Variants in ARHGAP21 observed in about 807,000 individuals in gnomAD.
ARHGAP21 encodes Rho GTPase activating protein 21, also known as rho GTPase-activating protein 21.
ARHGAP21 carries 38 observed loss-of-function variants against 164.6 expected under a neutral mutation model. The ratio of observed to expected loss-of-function variants is 0.23; its 90% confidence interval spans 0.18 to 0.30. The LOEUF (loss-of-function observed/expected upper bound fraction) is 0.30. Ranked by LOEUF, ARHGAP21 falls within the 10% of genes least tolerant of loss-of-function variation. The pLI is 1.00. For synonymous variants in ARHGAP21, 766 were observed against 857.9 expected, an observed-to-expected ratio of 0.89 and a Z score of 1.87; for missense variants, 1,822 against 2,370.7, an observed-to-expected ratio of 0.77 and a Z score of 4.81.
At chr10:24,611,870 C>T (rs1001591846) in intron 9 of ARHGAP21, among the ~76,000 whole-genome samples, 1 of 152,074 alleles carries the variant, frequency 6.6e-6, no homozygotes, top group African/African-American at 2.4e-5. Flanking sequence ...GAAATAATTG[C>T]CCTGTCCCTG....
intron 7 of ARHGAP21, among the ~76,000 whole-genome samples, chr10:24,628,765 G>A (rs1310696484): frequency 8.7e-6 from 1 of 115,500 alleles, no homozygotes; most frequent in Non-Finnish European, 1.9e-5. Flanking sequence ...GTGTGTGTGT[G>A]TGTGTGCATA....
intron 4 of ARHGAP21, among the ~76,000 whole-genome samples, chr10:24,656,531 C>T (rs1838972643): frequency 1.1e-5 from 1 of 93,026 alleles, no homozygotes; most frequent in Non-Finnish European, 2.2e-5. Context: ...GGGTCAGCCC[C>T]CCGCCCGGCC....
intron 2 of ARHGAP21, among the ~76,000 whole-genome samples, chr10:24,712,080 A>C (rs1175882095): frequency 6.6e-6 from 1 of 152,028 alleles, no homozygotes; most frequent in African/African-American, 2.4e-5. Flanking sequence ...ACACCCAGCT[A>C]ATTTTTTGTA....
intron 2 of ARHGAP21, among the ~76,000 whole-genome samples, chr10:24,689,991 A>C (rs1270651619): frequency 6.6e-6 from 1 of 151,280 alleles, no homozygotes; most frequent in Non-Finnish European, 1.5e-5. Context: ...CAAAAAATAC[A>C]TACTTTAGGA....
intron 4 of ARHGAP21, among the ~76,000 whole-genome samples, chr10:24,647,366 C>T (rs1412605001): frequency 6.6e-6 from 1 of 152,104 alleles, no homozygotes; most frequent in Non-Finnish European, 1.5e-5. Flanking sequence ...TCCAAGATTA[C>T]CATGTTTTTG....
intron 2 of ARHGAP21, among the ~76,000 whole-genome samples, chr10:24,674,398 G>C (rs1288591145): frequency 6.6e-6 from 1 of 152,198 alleles, no homozygotes; most frequent in Non-Finnish European, 1.5e-5. Flanking sequence ...GCCAGGTGTG[G>C]TGGCATGCGC....
intron 16 of ARHGAP21, 57 bp downstream of exon 16, chr10:24,597,390 T>G: frequency 6.3e-7 from 1 of 1,577,592 alleles, no homozygotes. Flanking sequence ...TAAACGTACC[T>G]CAACGATGCC....
At chr10:24,711,375 A>C (rs1469795148) in intron 2 of ARHGAP21, among the ~76,000 whole-genome samples, 4 of 151,926 alleles carry the variant, frequency 2.6e-5, no homozygotes, top group Admixed American at 6.6e-5. Flanking sequence ...AAAAAAAAAA[A>C]CTCAGAGACT....
At chr10:24,628,852 TATATATACAC>T (rs1209797746) in intron 7 of ARHGAP21, among the ~76,000 whole-genome samples, 3 of 135,736 alleles carry the variant, frequency 2.2e-5, no homozygotes, top group Non-Finnish European at 4.6e-5. Flanking sequence ...TACACATACA[TATATATACAC>T]ATATATACAT....
chr10:24,591,147 C>A, intron 24 of ARHGAP21, 78 bp downstream of exon 24: 2 of 1,226,552 alleles, frequency 1.6e-6, no homozygotes, highest in Non-Finnish European at 2.3e-6. Context: ...TAACAATTCA[C>A]TATGATTGAT....
intron 4 of ARHGAP21, among the ~76,000 whole-genome samples, chr10:24,653,158 C>T (rs906592507): frequency 2.0e-5 from 3 of 152,146 alleles, no homozygotes; most frequent in Non-Finnish European, 4.4e-5. Flanking sequence ...CCCATGTAAC[C>T]ACTACCATAA....
chr10:24,700,034 A>C (rs1481465318), intron 2 of ARHGAP21, among the ~76,000 whole-genome samples: 1 of 152,094 alleles, frequency 6.6e-6, no homozygotes, highest in Non-Finnish European at 1.5e-5. Context: ...GCAATTCTGA[A>C]GCTTAGGTCA....
At chr10:24,590,681 A>T in intron 24 of ARHGAP21, 1 of 1,327,082 alleles carries the variant, frequency 7.5e-7, no homozygotes, top group Non-Finnish European at 9.6e-7. Context: ...GCAACAGGAA[A>T]CAGAAGAAAA....
chr10:24,583,764 TACA>T lies in ARHGAP21; in HGVS notation c.*645_*647del, dbSNP rs2075988934. ...GGATCCACTATCTACACACCTATGT[TACA>T]ACATTATATCAAATCTGGTATCTGA... On this transcript the variant is annotated 3_prime_UTR_variant, in exon 26 of 26. Coordinates refer to ENST00000396432, the MANE Select transcript of ARHGAP21 (RefSeq NM_020824.4). 6.6e-6 allele frequency: 1 copy of T among 152,654 alleles called. No individual in the cohort carries two copies. Among genetic ancestry groups the T allele is most frequent in the Non-Finnish European group, 1.5e-5 (1 of 68,044 alleles). The allele number at this position is 152,654 out of a possible 1,614,324, so 9.5% of individuals were successfully genotyped here.
intron 2 of ARHGAP21, among the ~76,000 whole-genome samples, chr10:24,707,665 G>C (rs1343844752): frequency 6.6e-6 from 1 of 152,040 alleles, no homozygotes; most frequent in East Asian, 1.9e-4. Context: ...CATCCCCCTA[G>C]TCACCCAAAC....
At chr10:24,629,954 C>A (rs757601910) in intron 7 of ARHGAP21, 42 bp downstream of exon 7, 3 of 1,352,540 alleles carry the variant, frequency 2.2e-6, no homozygotes, top group Non-Finnish European at 3.1e-6. Flanking sequence ...TCCGAACATT[C>A]ATGACTGTAA....
At chr10:24,689,946 ATGTGTGTGTG>A (rs58990664) in intron 2 of ARHGAP21, among the ~76,000 whole-genome samples, 1 of 76,550 alleles carries the variant, frequency 1.3e-5, no homozygotes, top group Admixed American at 1.4e-4. Flanking sequence ...ATATATGTAT[ATGTGTGTGTG>A]TGTGTGTGTA....
intron 3 of ARHGAP21, 65 bp downstream of exon 3, chr10:24,670,153 G>A: frequency 1.0e-5 from 12 of 1,173,526 alleles, no homozygotes; most frequent in Non-Finnish European, 1.3e-5. Flanking sequence ...GTAAGAGGAA[G>A]ACTAGAAGGG....
intron 4 of ARHGAP21, among the ~76,000 whole-genome samples, chr10:24,648,083 C>A (rs1284886586): frequency 6.6e-6 from 1 of 152,158 alleles, no homozygotes; most frequent in African/African-American, 2.4e-5. Context: ...AGGTGATCCA[C>A]CCACCCCGGC....
Sources: gnomAD v4.1 joint callset for allele counts (sites outside exome capture counted in the v4.1 genomes callset) on GRCh38, gnomAD v4.1.1 for gene constraint, MANE v1.5 for transcripts, NCBI Gene and HGNC (gene_info 2026-07-23, HGNC 2026-07-21) for gene names.